The following GRM7 variants were observed in gnomAD, a reference collection of about 807,000 sequenced individuals.
GRM7 encodes glutamate metabotropic receptor 7, also known as metabotropic glutamate receptor 7.
Under a neutral mutation model 84.5 loss-of-function variants are expected in GRM7, and 35 were observed. That is an observed-to-expected ratio of 0.41 (90% CI 0.32 to 0.55). The LOEUF is 0.55. GRM7 is among the 20% of genes least tolerant of loss of function. The probability of loss-of-function intolerance (pLI) is 0.19; values close to 1 mark genes in which losing one functional copy is unlikely to be tolerated. For missense variants in GRM7, 1,003 were observed against 1,194.6 expected, an observed-to-expected ratio of 0.84 and a Z score of 2.36; for synonymous variants, 487 against 455.1, an observed-to-expected ratio of 1.07 and a Z score of -0.89.
intron 1 of GRM7, among the ~76,000 whole-genome samples, chr3:6,877,912 C>G (rs114037069): frequency 4.7e-5 from 7 of 149,964 alleles, no homozygotes; most frequent in African/African-American, 1.7e-4. Context: ...TACACATAAG[C>G]AGGAAAGTAG....
intron 8 of GRM7, among the ~76,000 whole-genome samples, chr3:7,625,716 G>A (rs1483542002): frequency 6.6e-6 from 1 of 152,164 alleles, no homozygotes; most frequent in Non-Finnish European, 1.5e-5. Flanking sequence ...AATATTCCCT[G>A]TCTGCTTCTG....
At chr3:7,604,498 C>T (rs1696467304) in intron 8 of GRM7, among the ~76,000 whole-genome samples, 1 of 152,158 alleles carries the variant, frequency 6.6e-6, no homozygotes, top group Non-Finnish European at 1.5e-5. Flanking sequence ...TCCCAAATTA[C>T]CTCAACACTC....
At chr3:7,211,815 C>G (rs1485198217) in intron 2 of GRM7, among the ~76,000 whole-genome samples, 1 of 152,156 alleles carries the variant, frequency 6.6e-6, no homozygotes, top group Non-Finnish European at 1.5e-5. Flanking sequence ...AGGGAGCCAG[C>G]TCTTTTTCCT....
intron 2 of GRM7, among the ~76,000 whole-genome samples, chr3:7,200,964 A>ATTT (rs71625339): frequency 0.026 from 2,504 of 98,034 alleles, 139 homozygotes; most frequent in African/African-American, 0.06. Context: ...ACATTTCAGA[A>ATTT]TTTTTTTTTT....
At chr3:6,926,053 G>T (rs1048332139) in intron 1 of GRM7, among the ~76,000 whole-genome samples, 2 of 151,856 alleles carry the variant, frequency 1.3e-5, no homozygotes, top group African/African-American at 4.8e-5. Context: ...TGAGAAAGAG[G>T]GACCCCCCAA....
chr3:7,634,475 T>A (rs973105121), intron 8 of GRM7, among the ~76,000 whole-genome samples: 1 of 62,018 alleles, frequency 1.6e-5, no homozygotes, highest in African/African-American at 1.1e-4. Flanking sequence ...TTGCACTTTT[T>A]TTCCAAAAAA....
chr3:7,407,196 G>A (rs1316115390), intron 4 of GRM7, among the ~76,000 whole-genome samples: 1 of 152,136 alleles, frequency 6.6e-6, no homozygotes, highest in Non-Finnish European at 1.5e-5. Flanking sequence ...TAGAAGGAAG[G>A]ATAGCAGGAG....
intron 1 of GRM7, among the ~76,000 whole-genome samples, chr3:6,887,425 C>A (rs1176027751): frequency 6.6e-6 from 1 of 151,884 alleles, no homozygotes; most frequent in Admixed American, 6.6e-5. Flanking sequence ...GTTCCCCTTC[C>A]TGTGTCCATG....
chr3:7,145,556 CACAT>C (rs1160350440), intron 1 of GRM7, among the ~76,000 whole-genome samples: 2 of 152,096 alleles, frequency 1.3e-5, no homozygotes, highest in Admixed American at 1.3e-4. Flanking sequence ...TAGGACTACT[CACAT>C]AGCCCAATTT....
At chr3:7,265,190 C>T (rs1239688419) in intron 2 of GRM7, among the ~76,000 whole-genome samples, 2 of 152,210 alleles carry the variant, frequency 1.3e-5, no homozygotes, top group Admixed American at 1.3e-4. Context: ...CTACTTCCAT[C>T]TAATGTTCTA....
At chr3:7,391,127 C>T (rs1251952088) in intron 4 of GRM7, among the ~76,000 whole-genome samples, 1 of 151,764 alleles carries the variant, frequency 6.6e-6, no homozygotes, top group African/African-American at 2.4e-5. Context: ...TTCAGGGTGC[C>T]AAGACTCTGT....
chr3:7,724,168 C>T (rs1000841634), intron 9 of GRM7, among the ~76,000 whole-genome samples: 1 of 152,194 alleles, frequency 6.6e-6, no homozygotes, highest in Non-Finnish European at 1.5e-5. Context: ...AATACGGAAC[C>T]ATGCCTGCCT....
chr3:7,477,924 A>G (rs1698986930), intron 7 of GRM7, among the ~76,000 whole-genome samples: 1 of 152,142 alleles, frequency 6.6e-6, no homozygotes, highest in Admixed American at 6.5e-5. Context: ...GACCGGTTAT[A>G]AGTGACACTG....
chr3:7,734,952 G>T (rs6808050), intron 9 of GRM7, among the ~76,000 whole-genome samples: 52,858 of 152,070 alleles, frequency 0.35, 11,351 homozygotes, highest in African/African-American at 0.61. Context: ...ATGTTGAAGA[G>T]AACATCTACT....
chr3:7,294,058 C>T (rs934079723), intron 2 of GRM7, among the ~76,000 whole-genome samples: 12 of 152,226 alleles, frequency 7.9e-5, no homozygotes, highest in Non-Finnish European at 5.9e-5. Flanking sequence ...CAATCTCTCT[C>T]TTCTGTTGAG....
chr3:7,355,865 C>T (rs1693374280), intron 4 of GRM7, among the ~76,000 whole-genome samples: 1 of 152,102 alleles, frequency 6.6e-6, no homozygotes, highest in Non-Finnish European at 1.5e-5. Context: ...CCTGTGGTTT[C>T]ATGGGGAGGT....
At chr3:7,467,094 C>T (rs950847178) in intron 7 of GRM7, among the ~76,000 whole-genome samples, 1 of 152,100 alleles carries the variant, frequency 6.6e-6, no homozygotes, top group African/African-American at 2.4e-5. Context: ...ACAAGTTTCT[C>T]TTTCTTGTTT....
intron 9 of GRM7, among the ~76,000 whole-genome samples, chr3:7,699,964 G>A (rs1159682749): frequency 1.3e-5 from 2 of 152,046 alleles, no homozygotes; most frequent in African/African-American, 4.8e-5. Context: ...GTCAACACAG[G>A]GATACAGTAC....
chr3:7,217,346 C>T (rs1696649284), intron 2 of GRM7, among the ~76,000 whole-genome samples: 1 of 152,076 alleles, frequency 6.6e-6, no homozygotes, highest in South Asian at 2.1e-4. Context: ...TTATAGTTTC[C>T]CTATGGCATG....
Sources: allele counts gnomAD v4.1 joint callset (sites outside exome capture counted in the v4.1 genomes callset), GRCh38; gene constraint gnomAD v4.1.1; transcripts MANE v1.5; gene names NCBI Gene and HGNC (gene_info 2026-07-23, HGNC 2026-07-21).